SAMSN1: variants seen among roughly 807,000 people sequenced by gnomAD.
SAMSN1 encodes the protein SAM domain-containing protein SAMSN-1.
A neutral mutation model predicts 42.0 loss-of-function variants in SAMSN1; 31 were observed. The observed-to-expected ratio is 0.74, with a 90% CI of 0.55 to 1.00. The LOEUF (loss-of-function observed/expected upper bound fraction) is 1.00, where lower values mean the gene tolerates loss of function less well. SAMSN1 is among the 50% of genes least tolerant of loss of function. The probability of loss-of-function intolerance (pLI) is 0.00; values close to 1 mark genes in which losing one functional copy is unlikely to be tolerated. For synonymous variants in SAMSN1, 178 were observed against 151.9 expected, an observed-to-expected ratio of 1.17 and a Z score of -1.26; for missense variants, 464 against 439.4, an observed-to-expected ratio of 1.06 and a Z score of -0.50.
At chr21:14,511,329 C>T (rs540097823) in intron 4 of SAMSN1, among the ~76,000 whole-genome samples, 1 of 152,318 alleles carries the variant, frequency 6.6e-6, no homozygotes, top group South Asian at 2.1e-4. Flanking sequence ...TTCACACCCT[C>T]CCTTCCATGA....
upstream of SAMSN1, chr21:14,583,877 C>T (rs1981837629): frequency 1.7e-6 from 1 of 599,588 alleles, no homozygotes; most frequent in Non-Finnish European, 3.0e-6. Context: ...AATAATGTGA[C>T]CTTAAAACCT....
chr21:14,627,111 A>T (rs939754939), intron 2 of SAMSN1, among the ~76,000 whole-genome samples: 2 of 152,100 alleles, frequency 1.3e-5, no homozygotes, highest in Non-Finnish European at 2.9e-5. Flanking sequence ...GGAACATCAC[A>T]CACTGGGGCC....
chr21:14,633,080 A>C (rs1266222627), intron 2 of SAMSN1, among the ~76,000 whole-genome samples: 1 of 152,200 alleles, frequency 6.6e-6, no homozygotes, highest in Non-Finnish European at 1.5e-5. Flanking sequence ...AAGGACATAA[A>C]TACCAAAAGT....
chr21:14,646,934 A>G (rs1482644415), intron 1 of SAMSN1, among the ~76,000 whole-genome samples: 1 of 152,258 alleles, frequency 6.6e-6, no homozygotes, highest in Admixed American at 6.5e-5. Context: ...AGAATTAAAA[A>G]GCAAGAAACT....
At chr21:14,487,651 A>G (rs1432450123) in intron 7 of SAMSN1, among the ~76,000 whole-genome samples, 1 of 152,188 alleles carries the variant, frequency 6.6e-6, no homozygotes, top group Non-Finnish European at 1.5e-5. Context: ...ATTGCTTCTT[A>G]GTCTGCTCAT....
Position 14,634,675 on chromosome 21 carries a change from C to T in SAMSN1, c.156+8327G>A, listed in dbSNP as rs972364886. On this transcript the variant is annotated intron_variant, in intron 2 of 15. Coordinates refer to the SAMSN1 transcript ENST00000647101. ...AAAGTCAAGAAAAAACAGATGCTGG[C>T]GAGGATGTGGAGAAATAGAAAGGTT... Among the ~76,000 whole-genome samples, 7 of 152,040 alleles carry T rather than the reference C, an allele frequency of 4.6e-5. No homozygotes were observed. The South Asian group carries it at 1.0e-3, about 23-fold the overall frequency.
intron 2 of SAMSN1, among the ~76,000 whole-genome samples, chr21:14,553,817 T>C (rs937320342): frequency 6.6e-6 from 1 of 152,134 alleles, no homozygotes; most frequent in Non-Finnish European, 1.5e-5. Context: ...TCTTTCTTTT[T>C]CTCTGCCTCT....
At chr21:14,533,085 A>AT (rs923102946) in intron 1 of SAMSN1, among the ~76,000 whole-genome samples, 4 of 151,344 alleles carry the variant, frequency 2.6e-5, no homozygotes, top group East Asian at 1.9e-4. Context: ...GCTAACTTTT[A>AT]TTTTTTTTAT....
upstream of SAMSN1, among the ~76,000 whole-genome samples, chr21:14,585,173 GTTTA>G: frequency 6.6e-6 from 1 of 152,208 alleles, no homozygotes; most frequent in South Asian, 2.1e-4. Flanking sequence ...TTCTATTGCT[GTTTA>G]TTTTTTTGTA....
At chr21:14,609,694 G>C in intron 4 of SAMSN1, 1 of 646,518 alleles carries the variant, frequency 1.5e-6, no homozygotes. Flanking sequence ...TCTTAAGAGA[G>C]CTCTAGTTCT....
rs187456699 is a variant in SAMSN1 at position 14,627,691 on chromosome 21, A to T, written c.157-11675T>A. On this transcript the variant is annotated intron_variant, in intron 2 of 15. Coordinates refer to the SAMSN1 transcript ENST00000647101. ...AGTGAGCATTGTCATGCACAGCATG[A>T]ATGCTCAATAAATGTACTAAATTGA... Among the ~76,000 whole-genome samples the T allele has an allele frequency of 8.3e-4, 127 of 152,354 alleles. 2 individuals are homozygous for T. The South Asian group carries it at 0.011, about 13-fold the overall frequency.
chr21:14,573,241 C>G (rs988928228), intron 2 of SAMSN1, among the ~76,000 whole-genome samples: 1 of 152,156 alleles, frequency 6.6e-6, no homozygotes, highest in Non-Finnish European at 1.5e-5. Flanking sequence ...CTTCTGCTCC[C>G]TTCTACAGTC....
intron 5 of SAMSN1, among the ~76,000 whole-genome samples, chr21:14,602,311 T>A (rs1600957275): frequency 6.6e-6 from 1 of 152,230 alleles, no homozygotes; most frequent in East Asian, 1.9e-4. Context: ...AAAATAGGGA[T>A]GCCGCTGACC....
rs756089039 is a variant in SAMSN1, at chr21:14,485,928, G to A, written c.1106C>T (p.Thr369Ile). The change falls in exon 8 of 8, where the codon ACA becomes ATA. Residue 369 changes from threonine (T) to isoleucine (I), a missense_variant. By Grantham distance (89) the Thr-to-Ile change is moderately conservative. Transcript: ENST00000400566. The part of the protein sequence containing the change: ...LSDMVHKIII[T>I]EPSD ...AATGCGTGTTCAGTCACTTGGCTCT[G>A]TGATAATAATCTTATGTACCATGTC... is the stretch of plus-strand genomic sequence containing the variant. 6.2e-7 allele frequency: 1 copy of A among 1,613,278 alleles called. No homozygotes were observed. Among genetic ancestry groups the A allele is most frequent in the South Asian group, 1.1e-5 (1 of 91,066 alleles).
intron 2 of SAMSN1, among the ~76,000 whole-genome samples, chr21:14,558,977 C>T (rs955368557): frequency 6.6e-6 from 1 of 152,132 alleles, no homozygotes; most frequent in African/African-American, 2.4e-5. Context: ...ACGAGTTTTC[C>T]TGCAAAGCAT....
At chr21:14,538,580 T>A (rs1420838810) in intron 1 of SAMSN1, among the ~76,000 whole-genome samples, 1 of 152,180 alleles carries the variant, frequency 6.6e-6, no homozygotes, top group Non-Finnish European at 1.5e-5. Flanking sequence ...CCTGGTTAGA[T>A]AAGAGTTAAA....
At chr21:14,594,863 C>T (rs915602648) in intron 6 of SAMSN1, 1 of 152,118 alleles carries the variant, frequency 6.6e-6, no homozygotes, top group African/African-American at 2.4e-5. Context: ...ATACCTAAGA[C>T]TGGGTAATTT....
intron 2 of SAMSN1, among the ~76,000 whole-genome samples, chr21:14,619,389 A>T (rs1982941390): frequency 6.6e-6 from 1 of 152,242 alleles, no homozygotes; most frequent in African/African-American, 2.4e-5. Context: ...GTGAATTTTT[A>T]GGACTGTAGA....
rs372346717 is a variant in SAMSN1 at position 14,627,013 on chromosome 21, T to A, written c.157-10997A>T. On this transcript the variant is annotated intron_variant, in intron 2 of 15. Coordinates refer to the SAMSN1 transcript ENST00000647101. ...GAAGCTGGAAACCATCATTCTCAGC[T>A]AACTATCACAAAGAGAAAAAACCAA... Among the ~76,000 whole-genome samples the A allele has an allele frequency of 5.0e-3, 759 of 152,148 alleles. 5 individuals are homozygous for A. The highest frequency in any genetic ancestry group is 0.014 in the African/African-American group (567 of 41,516).
Sources: gnomAD v4.1 joint callset for allele counts (sites outside exome capture counted in the v4.1 genomes callset) on GRCh38, gnomAD v4.1.1 for gene constraint, MANE v1.5 for transcripts, NCBI Gene and HGNC (gene_info 2026-07-23, HGNC 2026-07-21) for gene names.